Variants in SPG7 observed in about 807,000 individuals in gnomAD.
The protein encoded by SPG7 is SPG7 matrix AAA peptidase subunit, paraplegin, also known as mitochondrial inner membrane m-AAA protease component paraplegin.
SPG7 carries 103 observed loss-of-function variants against 81.9 expected under a neutral mutation model. That is an observed-to-expected ratio of 1.26 (90% CI 1.07 to 1.48). The LOEUF (loss-of-function observed/expected upper bound fraction) is 1.48. SPG7 is among the 40% of genes most tolerant of loss of function. The pLI is 0.00. For synonymous variants in SPG7, 534 were observed against 444.2 expected (o/e 1.20, Z -2.54); for missense variants, 1,241 against 1,087.3 (o/e 1.14, Z -1.99).
intron 16 of SPG7, chr16:89,555,947 G>A (rs563415857): frequency 1.3e-5 from 5 of 398,796 alleles, no homozygotes; most frequent in East Asian, 7.1e-5. Context: ...AGCAGCAGCC[G>A]CCTCTGGGCA....
rs55674596 is a variant in SPG7 at position 89,532,908 on chromosome 16, A to G, written c.1324+272A>G. The G allele has an allele frequency of 3.7e-3, 1,703 of 461,524 alleles. 19 individuals are homozygous for G. The highest frequency in any genetic ancestry group is 0.031 in the African/African-American group (1,558 of 50,652). 28.6% of individuals were successfully genotyped at this position (461,524 alleles called of 1,614,324 possible). On this transcript the variant is annotated intron_variant, in intron 9 of 16. Coordinates refer to ENST00000645818, the MANE Select transcript of SPG7 (RefSeq NM_003119.4). The stretch of plus-strand genomic sequence containing the variant: ...TGAGCAGCCTGGCCAACATGCTGAA[A>G]CCCCATCTCTACAAAAATACAAAAG...
At chr16:89,548,987 G>C (rs1186541163) in intron 12 of SPG7, 1 of 455,496 alleles carries the variant, frequency 2.2e-6, no homozygotes, top group Non-Finnish European at 4.4e-6. Flanking sequence ...CAGGTCCCCA[G>C]GGCTTCAGCT....
At chr16:89,528,536 A>AGATGGAGG (rs2058297878) in intron 5 of SPG7, 1 of 138,896 alleles carries the variant, frequency 7.2e-6, no homozygotes, top group South Asian at 2.1e-4. Context: ...GATGTACAGA[A>AGATGGAGG]GATGGAGGGT....
intron 5 of SPG7, among the ~76,000 whole-genome samples, chr16:89,528,013 G>A (rs966231206): frequency 6.6e-6 from 1 of 152,138 alleles, no homozygotes. Flanking sequence ...TGTGTCTCAT[G>A]TCTTTGTAGG....
intron 12 of SPG7, 116 bp downstream of exon 12, chr16:89,548,229 C>T (rs367547417): frequency 3.7e-5 from 27 of 734,324 alleles, no homozygotes; most frequent in African/African-American, 1.2e-4. Flanking sequence ...AAGGAACACA[C>T]GTTGCGTTTC....
intron 9 of SPG7, 177 bp from the exon 10 acceptor site, chr16:89,544,471 G>A (rs183016171): frequency 6.9e-4 from 478 of 690,050 alleles, no homozygotes; most frequent in Admixed American, 1.6e-3. Context: ...TCCTGGTGAT[G>A]CTGGCTGGGA....
At chr16:89,544,626 A>G (rs762617412) in intron 9 of SPG7, 22 bp from the exon 10 acceptor site, 2 of 1,613,494 alleles carry the variant, frequency 1.2e-6, no homozygotes, top group African/African-American at 1.3e-5. Context: ...CCTCAGAGCC[A>G]CTGTCTGCTC....
intron 3 of SPG7, chr16:89,522,945 T>C (rs945759819): frequency 2.2e-4 from 34 of 152,736 alleles, no homozygotes; most frequent in Non-Finnish European, 3.8e-4. Context: ...GAAGAGTGAG[T>C]GAGCGCCCGC....
At chr16:89,553,334 C>T (rs1184489299) in intron 14 of SPG7, 199 bp downstream of exon 14, 1 of 642,956 alleles carries the variant, frequency 1.6e-6, no homozygotes, top group Non-Finnish European at 2.7e-6. Flanking sequence ...TGGACAAAAA[C>T]TTAACCTATA....
At chr16:89,512,515 C>A in intron 2 of SPG7, among the ~76,000 whole-genome samples, 1 of 151,468 alleles carries the variant, frequency 6.6e-6, no homozygotes, top group East Asian at 2.0e-4. Context: ...GTTTCACCAT[C>A]TCAGCCAGTC....
intron 12 of SPG7, 148 bp downstream of exon 12, chr16:89,548,261 T>G: frequency 1.6e-6 from 1 of 644,286 alleles, no homozygotes; most frequent in Non-Finnish European, 2.8e-6. Context: ...ACTCATGTCT[T>G]TATGATACCT....
At chr16:89,555,121 C>G (rs2058674246) in intron 16 of SPG7, 1 of 154,644 alleles carries the variant, frequency 6.5e-6, no homozygotes, top group Admixed American at 6.3e-5. Context: ...CTCTCTCTGT[C>G]ACGAGGCTGG....
intron 9 of SPG7, 184 bp from the exon 10 acceptor site, chr16:89,544,464 T>G (rs570578995): frequency 1.1e-5 from 7 of 663,914 alleles, no homozygotes; most frequent in South Asian, 1.6e-5. Flanking sequence ...CTGTTCCTCC[T>G]GGTGATGCTG....
At chr16:89,543,613 C>T (rs2434863) in intron 9 of SPG7, 29,245 of 150,210 alleles carry the variant, frequency 0.19, 2,910 homozygotes, top group South Asian at 0.24. Flanking sequence ...GCTGGGATTA[C>T]AGGCGTGAGC....
At chr16:89,537,835 C>T in intron 9 of SPG7, 1 of 922,284 alleles carries the variant, frequency 1.1e-6, no homozygotes, top group Non-Finnish European at 1.3e-6. Context: ...ACCCGGGACA[C>T]CCCTACCTTT....
chr16:89,540,804 T>C (rs2058484870), intron 9 of SPG7: 2 of 740,324 alleles, frequency 2.7e-6, no homozygotes, highest in Non-Finnish European at 3.3e-6. Flanking sequence ...TCCTGGGTGC[T>C]CATCCCAGGA....
intron 5 of SPG7, among the ~76,000 whole-genome samples, chr16:89,528,272 G>T (rs1277165803): frequency 1.3e-5 from 2 of 151,828 alleles, no homozygotes; most frequent in Non-Finnish European, 2.9e-5. Context: ...GGTGCCTGTA[G>T]TCCCAGCTAC....
intron 9 of SPG7, chr16:89,540,147 G>C (rs2058476574): frequency 1.3e-5 from 2 of 152,300 alleles, no homozygotes; most frequent in African/African-American, 4.8e-5. Flanking sequence ...CAGGTGGAGT[G>C]ATTCCTCCCA....
intron 9 of SPG7, 128 bp downstream of exon 9, chr16:89,532,764 T>G: frequency 2.7e-6 from 3 of 1,127,938 alleles, no homozygotes; most frequent in Non-Finnish European, 2.5e-6. Context: ...AGTGAGACTC[T>G]GTCTCAAGAA....
Sources: gnomAD v4.1 joint callset for allele counts (sites outside exome capture counted in the v4.1 genomes callset) on GRCh38, gnomAD v4.1.1 for gene constraint, MANE v1.5 for transcripts, NCBI Gene and HGNC (gene_info 2026-07-23, HGNC 2026-07-21) for gene names.